ERI1: variants seen among roughly 807,000 people sequenced by gnomAD.
ERI1 encodes 3'-5' exoribonuclease 1.
ERI1 carries 39 observed loss-of-function variants against 39.7 expected under a neutral mutation model. The ratio of observed to expected loss-of-function variants is 0.98; its 90% CI spans 0.76 to 1.28. The LOEUF (loss-of-function observed/expected upper bound fraction) is 1.28. ERI1 is among the 50% of genes most tolerant of loss of function. ERI1 has a pLI of 0.00. For synonymous variants in ERI1, 204 were observed against 149.6 expected (o/e 1.36, Z -2.65); for missense variants, 581 against 416.9 (o/e 1.39, Z -3.43).
intron 1 of ERI1, among the ~76,000 whole-genome samples, chr8:9,006,323 T>A (rs528783844): frequency 6.6e-6 from 1 of 152,314 alleles, no homozygotes; most frequent in African/African-American, 2.4e-5. Flanking sequence ...AATTTTTCTT[T>A]ATGGAAGTCA....
intron 5 of ERI1, among the ~76,000 whole-genome samples, chr8:9,018,883 A>G (rs919581120): frequency 1.3e-5 from 2 of 152,100 alleles, no homozygotes; most frequent in Non-Finnish European, 2.9e-5. Flanking sequence ...TCATTTTTCA[A>G]AGCCCATCTT....
intron 4 of ERI1, among the ~76,000 whole-genome samples, 168 bp downstream of exon 4, chr8:9,016,573 A>G (rs1463027607): frequency 6.6e-6 from 1 of 151,948 alleles, no homozygotes; most frequent in Non-Finnish European, 1.5e-5. Context: ...AGCAAATTTT[A>G]TATCTGGTAA....
chr8:9,010,888 C>T (rs933325973), intron 2 of ERI1, among the ~76,000 whole-genome samples: 1 of 152,038 alleles, frequency 6.6e-6, no homozygotes, highest in Non-Finnish European at 1.5e-5. Context: ...CATATTCTAC[C>T]CATGATAAAT....
intron 3 of ERI1, among the ~76,000 whole-genome samples, chr8:9,052,306 G>C (rs906532995): frequency 6.6e-6 from 1 of 151,878 alleles, no homozygotes; most frequent in African/African-American, 2.4e-5. Context: ...CCATGGAAAG[G>C]ACTAGATATA....
At chr8:9,071,559 T>C (rs544741626) in intron 3 of ERI1, among the ~76,000 whole-genome samples, 22 of 152,360 alleles carry the variant, frequency 1.4e-4, no homozygotes, top group Admixed American at 1.2e-3. Flanking sequence ...GTTTCCAGTT[T>C]ATTCATCTGA....
intron 3 of ERI1, among the ~76,000 whole-genome samples, chr8:9,098,787 G>A (rs1166276430): frequency 6.6e-6 from 1 of 152,104 alleles, no homozygotes; most frequent in Non-Finnish European, 1.5e-5. Context: ...AGGTATAATT[G>A]ACTTACAGCA....
downstream of ERI1, among the ~76,000 whole-genome samples, chr8:9,037,151 C>T (rs1453309935): frequency 6.6e-6 from 1 of 152,206 alleles, no homozygotes; most frequent in Non-Finnish European, 1.5e-5. Context: ...CTTCACATTT[C>T]TGATGGGATA....
At chr8:9,074,015 G>T (rs1002882154) in intron 3 of ERI1, among the ~76,000 whole-genome samples, 1 of 152,114 alleles carries the variant, frequency 6.6e-6, no homozygotes. Context: ...TGAACTCGCA[G>T]GCTCAAGCAA....
In ERI1 at chr8:9,030,132, C is replaced by G; in HGVS notation, c.*98C>G. Reference sequence around the variant, plus strand: ...GTCCTGTAGTGCAAACTTTAAGCACCTTAAAACATTTAAAATCTTATTACA... The same window carrying G: ...GTCCTGTAGTGCAAACTTTAAGCACGTTAAAACATTTAAAATCTTATTACA... On this transcript the variant is annotated 3_prime_UTR_variant, in exon 7 of 7. Coordinates refer to ENST00000250263, the MANE Select transcript of ERI1 (RefSeq NM_153332.4). 3 of 1,454,694 alleles carry G rather than the reference C, an allele frequency of 2.1e-6. No individual in the cohort carries two copies. The highest frequency in any genetic ancestry group is 1.9e-6 in the Non-Finnish European group (2 of 1,068,686). The allele number at this position is 1,454,694 out of a possible 1,614,324, so 90.1% of individuals were successfully genotyped here.
intron 5 of ERI1, 60 bp from the exon 6 acceptor site, chr8:9,020,290 C>G: frequency 1.2e-6 from 1 of 815,078 alleles, no homozygotes; most frequent in Non-Finnish European, 1.9e-6. Flanking sequence ...TTAAAATACT[C>G]ATTTGTAAGA....
chr8:9,055,327 G>A (rs1485897443), intron 3 of ERI1, among the ~76,000 whole-genome samples: 2 of 152,252 alleles, frequency 1.3e-5, no homozygotes, highest in African/African-American at 2.4e-5. Context: ...AGTTCATGAT[G>A]TGCTTTAGGT....
At chr8:9,013,382 G>C (rs1232418725) in intron 3 of ERI1, among the ~76,000 whole-genome samples, 1 of 150,914 alleles carries the variant, frequency 6.6e-6, no homozygotes, top group Non-Finnish European at 1.5e-5. Context: ...TCTTTCCTTG[G>C]AGCATTTTCT....
At chr8:9,082,126 A>G (rs1009333416) in intron 3 of ERI1, among the ~76,000 whole-genome samples, 2 of 152,212 alleles carry the variant, frequency 1.3e-5, no homozygotes, top group Non-Finnish European at 2.9e-5. Context: ...CAGGAAGTGA[A>G]GTTTAGTCTC....
intron 3 of ERI1, among the ~76,000 whole-genome samples, chr8:9,060,053 T>G (rs1183843328): frequency 6.6e-6 from 1 of 152,186 alleles, no homozygotes; most frequent in Non-Finnish European, 1.5e-5. Flanking sequence ...CTTTTTAAGT[T>G]GGAGGCTGAG....
At chr8:9,087,710 CTGCTCAAGTTGACATA>C in intron 3 of ERI1, among the ~76,000 whole-genome samples, 1 of 152,328 alleles carries the variant, frequency 6.6e-6, no homozygotes, top group East Asian at 1.9e-4. Context: ...CCCCTACTTT[CTGCTCAAGTTGACATA>C]AATGTCCTCC....
At chr8:9,028,230 A>G (rs1285322938) in intron 6 of ERI1, among the ~76,000 whole-genome samples, 1 of 152,162 alleles carries the variant, frequency 6.6e-6, no homozygotes, top group African/African-American at 2.4e-5. Flanking sequence ...GTTTTCAGTT[A>G]CTGATTCAGT....
Position 9,020,341 on chromosome 8 carries a change from A to T in ERI1, c.693-9A>T. ...TTTCATCAATTTTTTGTCCTTTTTT[A>T]ATTTATAGTTCTTGGGATATGAGTA... On this transcript the variant is annotated splice_polypyrimidine_tract_variant and intron_variant, in intron 5 of 6. Transcript: ENST00000250263. The T allele has an allele frequency of 6.6e-7, 1 of 1,504,700 alleles. No individual in the cohort carries two copies. Among genetic ancestry groups the T allele is most frequent in the Non-Finnish European group, 8.9e-7 (1 of 1,118,848 alleles). 93.2% of individuals were successfully genotyped at this position (1,504,700 alleles called of 1,614,324 possible). A position where few individuals can be genotyped will look rare whatever the true frequency, so the allele number is the denominator to read the frequency against.
Position 9,008,841 on chromosome 8 carries a change from A to T in ERI1, c.287+693A>T, listed in dbSNP as rs113597535. Reference sequence around the variant, plus strand: ...GGCATCAAGAAAAAAAATTGCCTGTATGAAATAGGTAAAAACTCTTCCTTT... The same window carrying T: ...GGCATCAAGAAAAAAAATTGCCTGTTTGAAATAGGTAAAAACTCTTCCTTT... On this transcript the variant is annotated intron_variant, in intron 2 of 6. Coordinates refer to ENST00000250263, the MANE Select transcript of ERI1 (RefSeq NM_153332.4). Among the ~76,000 whole-genome samples, 1,345 of 152,356 alleles carry T rather than the reference A, an allele frequency of 8.8e-3. 20 individuals are homozygous for T. Among genetic ancestry groups the T allele is most frequent in the African/African-American group, 0.031 (1,291 of 41,586 alleles).
rs945728747 is a variant in ERI1, at chr8:9,031,927, T to G, written c.*1893T>G. 1 of 152,246 alleles carries G rather than the reference T, an allele frequency of 6.6e-6. No homozygotes were observed. The highest frequency in any genetic ancestry group is 2.4e-5 in the African/African-American group (1 of 41,436). The allele number at this position is 152,246 out of a possible 1,614,324, so 9.4% of individuals were successfully genotyped here. ...CGCGTGCCACCACACCCGCCTAATT[T>G]TTGTATTTTTGGTAGAGGCGGGGTT... On this transcript the variant is annotated 3_prime_UTR_variant, in exon 7 of 7. Coordinates refer to ENST00000250263, the MANE Select transcript of ERI1 (RefSeq NM_153332.4).
Sources: allele counts gnomAD v4.1 joint callset (sites outside exome capture counted in the v4.1 genomes callset), GRCh38; gene constraint gnomAD v4.1.1; transcripts MANE v1.5; gene names NCBI Gene and HGNC (gene_info 2026-07-23, HGNC 2026-07-21).